The following AGR3 variants were observed in gnomAD, a reference collection of about 807,000 sequenced individuals.
AGR3 encodes the protein anterior gradient protein 3.
A neutral mutation model predicts 24.5 loss-of-function variants in AGR3; 37 were observed. The observed-to-expected ratio is 1.51, with a 90% CI of 1.16 to 1.99. The LOEUF is 1.99. Among genes scored for constraint, AGR3 ranks in the 30% most tolerant of loss-of-function variants. AGR3 has a pLI of 0.00. For synonymous variants in AGR3, 75 were observed against 61.6 expected (o/e 1.22, Z -1.02); for missense variants, 228 against 191.1 (o/e 1.19, Z -1.14).
At chr7:16,861,499 A>G (rs1562544553) in intron 5 of AGR3, 52 bp from the exon 6 acceptor site, 2 of 1,482,880 alleles carry the variant, frequency 1.3e-6, no homozygotes, top group East Asian at 2.3e-5. Context: ...TGTTTTTGAT[A>G]GTTTCAAGAT....
intron 5 of AGR3, 127 bp downstream of exon 5, chr7:16,861,857 C>T (rs999326962): frequency 8.6e-5 from 68 of 789,962 alleles, no homozygotes; most frequent in Non-Finnish European, 1.2e-4. Flanking sequence ...GCCCAGATTA[C>T]GCCACTGCAC....
At position 16,859,514 on chromosome 7, in the gene AGR3, T is replaced by G; in HGVS notation, c.*68A>C. On this transcript the variant is annotated 3_prime_UTR_variant, in exon 8 of 8. Transcript: ENST00000310398. The stretch of plus-strand genomic sequence containing the variant: ...TATATACTTGCACATTTAGTATTTG[T>G]CAATGTGCCAGAGGTTTTCTTCATG... The G allele has an allele frequency of 2.8e-6, 3 of 1,056,556 alleles. No individual in the cohort carries two copies. Among genetic ancestry groups the G allele is most frequent in the Non-Finnish European group, 1.4e-6 (1 of 717,130 alleles). The allele number at this position is 1,056,556 out of a possible 1,614,324, so 65.4% of individuals were successfully genotyped here.
chr7:16,866,674 G>A (rs896679255), intron 3 of AGR3, among the ~76,000 whole-genome samples: 2 of 152,068 alleles, frequency 1.3e-5, no homozygotes, highest in African/African-American at 4.8e-5. Flanking sequence ...AACGAATGTG[G>A]TTTGTCTTTC....
intron 3 of AGR3, among the ~76,000 whole-genome samples, chr7:16,867,347 A>T (rs1190548382): frequency 1.3e-5 from 2 of 152,098 alleles, no homozygotes; most frequent in African/African-American, 4.8e-5. Flanking sequence ...CTATCTATCT[A>T]TGGAGTTTGT....
chr7:16,857,777 G>A (rs1781574148), downstream of AGR3, among the ~76,000 whole-genome samples: 1 of 152,084 alleles, frequency 6.6e-6, no homozygotes, highest in African/African-American at 2.4e-5. Flanking sequence ...CTACAAGCTT[G>A]CTTAAAATTA....
downstream of AGR3, among the ~76,000 whole-genome samples, chr7:16,859,171 G>A (rs1411469629): frequency 6.6e-6 from 1 of 151,838 alleles, no homozygotes; most frequent in Non-Finnish European, 1.5e-5. Flanking sequence ...GCCAAGGTTG[G>A]AGGATTGCTT....
At chr7:16,874,893 G>A (rs1308949860) in intron 2 of AGR3, among the ~76,000 whole-genome samples, 1 of 152,068 alleles carries the variant, frequency 6.6e-6, no homozygotes, top group Non-Finnish European at 1.5e-5. Context: ...AAGGTGGGTG[G>A]ATCATTTGAG....
rs1781620488 is a variant in AGR3, at chr7:16,860,522, A to G, written c.429T>C (p.Tyr143=). ...TACATAGGGGTAAATCCCGAGGCTCATATGTGTACAATCTGTTAGAGTATC... is the reference window on the plus strand; with the variant it reads ...TACATAGGGGTAAATCCCGAGGCTCGTATGTGTACAATCTGTTAGAGTATC... ...AGRYSNRLYT[Y]EPRDLPLLIE... The change falls in exon 7 of 8, where the codon TAT becomes TAC. Residue 143 remains tyrosine, a synonymous_variant. Transcript: ENST00000310398. 1 of 1,613,422 alleles carries G rather than the reference A, an allele frequency of 6.2e-7. No homozygotes were observed. The highest frequency in any genetic ancestry group is 1.7e-5 in the Admixed American group (1 of 60,002).
chr7:16,855,494 A>G (rs970751893), downstream of AGR3, among the ~76,000 whole-genome samples: 2 of 152,132 alleles, frequency 1.3e-5, no homozygotes, highest in Non-Finnish European at 2.9e-5. Context: ...ATGGCCTCCT[A>G]TTGTGGGTGC....
chr7:16,869,280 G>A (rs1781819365), intron 3 of AGR3, among the ~76,000 whole-genome samples: 1 of 152,104 alleles, frequency 6.6e-6, no homozygotes, highest in Non-Finnish European at 1.5e-5. Context: ...TAATCTCTGT[G>A]TTATTATATA....
chr7:16,860,456 G>A lies in AGR3; in HGVS notation c.451+44C>T, dbSNP rs113772375. 3,230 of 1,378,642 alleles carry A rather than the reference G, an allele frequency of 2.3e-3. 66 individuals are homozygous for A. The African/African-American group carries it at 0.04, about 17-fold the overall frequency. 85.4% of individuals were successfully genotyped at this position (1,378,642 alleles called of 1,614,324 possible). ...TCACTAGCCCTTAACAAATAGTCAG[G>A]GGTCAGCTATGACCACTGTTTGAGA... On this transcript the variant is annotated intron_variant, in intron 7 of 7. Transcript: ENST00000310398.
intron 4 of AGR3, 89 bp from the exon 5 acceptor site, chr7:16,862,149 T>A: frequency 2.0e-6 from 2 of 999,198 alleles, no homozygotes; most frequent in Non-Finnish European, 3.1e-6. Flanking sequence ...ATTTAGCATT[T>A]GTTTGCATAT....
chr7:16,855,952 G>T (rs543781332), downstream of AGR3, among the ~76,000 whole-genome samples: 1 of 151,462 alleles, frequency 6.6e-6, no homozygotes, highest in African/African-American at 2.4e-5. Context: ...TAATATACCT[G>T]ATTTTCTATT....
chr7:16,864,275 C>T, intron 3 of AGR3: 1 of 1,344,862 alleles, frequency 7.4e-7, no homozygotes, highest in Non-Finnish European at 1.1e-6. Context: ...TATGTCCCAT[C>T]ACTCTCATAG....
rs757210432 is a variant in AGR3, at chr7:16,878,608, T to C, written c.11A>G (p.His4Arg). Residue 4 changes from histidine (H) to arginine (R), a missense_variant, in exon 2 of 8, where the codon CAC (histidine) becomes CGC (arginine). Physicochemically the swap from His to Arg is conservative, Grantham distance 29. Coordinates refer to ENST00000310398, the MANE Select transcript of AGR3 (RefSeq NM_176813.5). The part of the protein sequence containing the change: MML[H>R]SALGLCLLLV... ...TAAGAGGCAGAGACCCAAAGCTGAG[T>C]GTAGCATCATGTCTTCTAGAGACTC... The C allele has an allele frequency of 3.7e-6, 6 of 1,613,760 alleles. No homozygotes were observed. In the African/African-American group the frequency reaches 5.3e-5, roughly 14 times the overall value.
chr7:16,877,769 A>C (rs1008887012), intron 2 of AGR3, among the ~76,000 whole-genome samples: 12 of 151,514 alleles, frequency 7.9e-5, no homozygotes, highest in Non-Finnish European at 2.9e-5. Context: ...AGGCTGAGGC[A>C]GGAGAATGGC....
intron 5 of AGR3, 134 bp downstream of exon 5, chr7:16,861,850 C>T: frequency 1.4e-6 from 1 of 732,288 alleles, no homozygotes; most frequent in Non-Finnish European, 2.1e-6. Flanking sequence ...GCTGTGAGCC[C>T]AGATTACGCC....
chr7:16,870,608 A>T (rs1036930109), intron 3 of AGR3, among the ~76,000 whole-genome samples: 4 of 152,150 alleles, frequency 2.6e-5, no homozygotes, highest in Non-Finnish European at 2.9e-5. Context: ...TCAAATATAG[A>T]TGTTTTATTC....
At chr7:16,880,140 CTCTT>C (rs1247132637) in intron 1 of AGR3, among the ~76,000 whole-genome samples, 10 of 140,986 alleles carry the variant, frequency 7.1e-5, no homozygotes, top group African/African-American at 2.5e-4. Flanking sequence ...CTTTCTCTCT[CTCTT>C]TCTTTCTTTT....
Sources: allele counts gnomAD v4.1 joint callset (sites outside exome capture counted in the v4.1 genomes callset), GRCh38; gene constraint gnomAD v4.1.1; transcripts MANE v1.5; gene names NCBI Gene and HGNC (gene_info 2026-07-23, HGNC 2026-07-21).